The following MLYCD variants were observed in gnomAD, a reference collection of about 807,000 sequenced individuals.
MLYCD encodes malonyl-CoA decarboxylase, mitochondrial.
Under a neutral mutation model 35.8 loss-of-function variants are expected in MLYCD, and 27 were observed. That is an observed-to-expected ratio of 0.75 (90% confidence interval 0.56 to 1.04). MLYCD has a LOEUF of 1.04. Ranked by LOEUF, MLYCD falls within the 50% of genes least tolerant of loss-of-function variation. MLYCD has a pLI of 0.00. For synonymous variants in MLYCD, 403 were observed against 302.4 expected (o/e 1.33, Z -3.45); for missense variants, 917 against 665.1 (o/e 1.38, Z -4.17).
At chr16:83,906,136 C>T (rs958230355) in intron 1 of MLYCD, among the ~76,000 whole-genome samples, 1 of 152,188 alleles carries the variant, frequency 6.6e-6, no homozygotes, top group African/African-American at 2.4e-5. Context: ...CCTGTAATCC[C>T]AGCACTTTGA....
chr16:83,917,562 G>C lies in MLYCD; in HGVS notation c.*2073G>C, dbSNP rs1907466120. The C allele has an allele frequency of 6.5e-6, 1 of 153,002 alleles. No homozygotes were observed. Among genetic ancestry groups the C allele is most frequent in the South Asian group, 2.1e-4 (1 of 4,854 alleles). The allele number at this position is 153,002 out of a possible 1,614,324, so 9.5% of individuals were successfully genotyped here. A position where few individuals can be genotyped will look rare whatever the true frequency, so the allele number is the denominator to read the frequency against. On this transcript the variant is annotated 3_prime_UTR_variant, in exon 5 of 5. Coordinates refer to ENST00000262430, the MANE Select transcript of MLYCD (RefSeq NM_012213.3). The stretch of plus-strand genomic sequence containing the variant: ...ACGGCGTGTTGCTTCGTGACAGACG[G>C]TGTGATCGCGGGAGCTGTCTCATGC...
chr16:83,915,187 C>A lies in MLYCD; in HGVS notation c.1180C>A (p.Leu394Met). ...GCAGTCGGAGAAGCTGGTGCGGGCG[C>A]TGCAGACTCCGCTGATGAGGCTGTG... ...WVQSEKLVRA[L>M]QTPLMRLCAW... is the part of the protein sequence containing the mutation. Residue 394 changes from leucine to methionine, a missense_variant, in exon 5 of 5, where the codon CTG becomes ATG. Physicochemically the swap from Leu to Met is conservative, Grantham distance 15. Transcript: ENST00000262430. 1 of 1,614,112 alleles carries A rather than the reference C, an allele frequency of 6.2e-7. No individual in the cohort carries two copies. Among genetic ancestry groups the A allele is most frequent in the Non-Finnish European group, 8.5e-7 (1 of 1,179,928 alleles).
intron 1 of MLYCD, among the ~76,000 whole-genome samples, chr16:83,900,026 T>C (rs1906728507): frequency 6.6e-6 from 1 of 152,226 alleles, no homozygotes; most frequent in African/African-American, 2.4e-5. Context: ...TTCATCTATA[T>C]GGTATACCTG....
chr16:83,909,915 G>A (rs1206186050), intron 3 of MLYCD, among the ~76,000 whole-genome samples: 1 of 151,978 alleles, frequency 6.6e-6, no homozygotes, highest in Non-Finnish European at 1.5e-5. Context: ...CTATAAAGGC[G>A]TGAGCCACCG....
intron 4 of MLYCD, 101 bp downstream of exon 4, chr16:83,912,468 C>G: frequency 6.6e-7 from 1 of 1,519,060 alleles, no homozygotes; most frequent in Middle Eastern, 2.1e-4. Flanking sequence ...CAGATGAAGA[C>G]AGGAGCTAAA....
Position 83,899,588 on chromosome 16 carries a change from C to T in MLYCD, c.444C>T (p.Asp148=), listed in dbSNP as rs62640904. Residue 148 remains aspartate (D), a synonymous_variant, in exon 1 of 5, where the codon GAC becomes GAT. Transcript: ENST00000262430. ...TCTTCCACCACATCAGCAAGCTGGA[C>T]GGCGGCGTGCGCTTCCTGGTGCAGC... ...RGLFHHISKL[D]GGVRFLVQLR... is the part of the protein sequence containing the mutation. 20,004 of 1,589,408 alleles carry T rather than the reference C, an allele frequency of 0.013. 435 individuals are homozygous for T. Among genetic ancestry groups the T allele is most frequent in the African/African-American group, 0.098 (7,293 of 74,416 alleles).
Position 83,915,055 on chromosome 16 carries a change from G to T in MLYCD, c.1048G>T (p.Gly350Trp). 6.2e-7 allele frequency: 1 copy of T among 1,614,238 alleles called. No individual in the cohort carries two copies. The highest frequency in any genetic ancestry group is 8.5e-7 in the Non-Finnish European group (1 of 1,180,046). ...TCTGAACTCGCAAACGAAGGAGCATGGGAGGAATGAACTCTTTACAGATTC... is the reference window on the plus strand; with the variant it reads ...TCTGAACTCGCAAACGAAGGAGCATTGGAGGAATGAACTCTTTACAGATTC... ...GLLNSQTKEHGRNELFTDSEC... is the reference protein window; with the variant it reads ...GLLNSQTKEHWRNELFTDSEC... Residue 350 changes from glycine (G) to tryptophan (W), a missense_variant, in exon 5 of 5, where the codon GGG becomes TGG. Coordinates refer to ENST00000262430, the MANE Select transcript of MLYCD (RefSeq NM_012213.3).
In MLYCD at chr16:83,918,717, CG is replaced by C; in HGVS notation, c.*3229del. On this transcript the variant is annotated 3_prime_UTR_variant, in exon 5 of 5. Coordinates refer to ENST00000262430, the MANE Select transcript of MLYCD (RefSeq NM_012213.3). ...CACACGCACAGTGCACAGGAGAAAA[CG>C]CACACACAGTGCACAGAACACAGTG... is the stretch of plus-strand genomic sequence containing the variant. The C allele has an allele frequency of 7.3e-6, 1 of 137,650 alleles. No individual in the cohort carries two copies. The highest frequency in any genetic ancestry group is 1.5e-5 in the Non-Finnish European group (1 of 64,638). 8.5% of individuals were successfully genotyped at this position (137,650 alleles called of 1,614,324 possible). A position where few individuals can be genotyped will look rare whatever the true frequency, so the allele number is the denominator to read the frequency against.
rs1226703888 is a variant in MLYCD, at chr16:83,908,117, C to T, written c.642-9C>T. ...CATTTGTCTTGTCTCTTTATAAATT[C>T]CGCCCCAGGGCTGAGGCTGTGCATC... is the stretch of plus-strand genomic sequence containing the variant. On this transcript the variant is annotated splice_polypyrimidine_tract_variant and intron_variant, in intron 2 of 4. Transcript: ENST00000262430. 9 of 1,614,092 alleles carry T rather than the reference C, an allele frequency of 5.6e-6. No homozygotes were observed. The highest frequency in any genetic ancestry group is 7.6e-6 in the Non-Finnish European group (9 of 1,180,022).
chr16:83,913,004 G>A (rs907011414), intron 4 of MLYCD: 1 of 164,014 alleles, frequency 6.1e-6, no homozygotes, highest in African/African-American at 2.4e-5. Context: ...CCTCATCAGG[G>A]ACTTGGATAA....
intron 4 of MLYCD, 105 bp downstream of exon 4, chr16:83,912,472 A>G (rs778165847): frequency 6.7e-7 from 1 of 1,482,188 alleles, no homozygotes; most frequent in Non-Finnish European, 9.3e-7. Context: ...TGAAGACAGG[A>G]GCTAAAGGGA....
chr16:83,920,825 A>T lies in MLYCD; in HGVS notation c.*5336A>T, dbSNP rs968456037. The stretch of plus-strand genomic sequence containing the variant: ...TGGTTTTCTGTTTTTATCAAACTTT[A>T]TCTTTGTACTTCTTACAGTGCTTCA... On this transcript the variant is annotated 3_prime_UTR_variant, in exon 5 of 5. Coordinates refer to ENST00000262430, the MANE Select transcript of MLYCD (RefSeq NM_012213.3). 1.3e-5 allele frequency: 2 copies of T among 152,264 alleles called. No homozygotes were observed. The highest frequency in any genetic ancestry group is 2.9e-5 in the Non-Finnish European group (2 of 68,052). 9.4% of individuals were successfully genotyped at this position (152,264 alleles called of 1,614,324 possible). A position where few individuals can be genotyped will look rare whatever the true frequency, so the allele number is the denominator to read the frequency against.
Position 83,916,035 on chromosome 16 carries a change from C to T in MLYCD, c.*546C>T. The stretch of plus-strand genomic sequence containing the variant: ...ATGTATGAGAAGGTTTGTGATTTTG[C>T]ACAAGGTGTGTGTAGTAAGTTAAAT... On this transcript the variant is annotated 3_prime_UTR_variant, in exon 5 of 5. Coordinates refer to ENST00000262430, the MANE Select transcript of MLYCD (RefSeq NM_012213.3). 2.0e-6 allele frequency: 2 copies of T among 1,005,608 alleles called. No homozygotes were observed. Among genetic ancestry groups the T allele is most frequent in the African/African-American group, 1.7e-5 (1 of 58,058 alleles). 62.3% of individuals were successfully genotyped at this position (1,005,608 alleles called of 1,614,324 possible). A position where few individuals can be genotyped will look rare whatever the true frequency, so the allele number is the denominator to read the frequency against.
chr16:83,915,134 A>G lies in MLYCD; in HGVS notation c.1127A>G (p.Lys376Arg). 5 of 1,614,274 alleles carry G rather than the reference A, an allele frequency of 3.1e-6. No homozygotes were observed. Among genetic ancestry groups the G allele is most frequent in the East Asian group, 2.2e-5 (1 of 44,888 alleles). Residue 376 changes from lysine to arginine, a missense_variant, in exon 5 of 5, where the codon AAG becomes AGG. Physicochemically the swap from Lys to Arg is conservative, Grantham distance 26. Transcript: ENST00000262430. ...ITGGPINETL[K>R]LLLSSSEWVQ... Reference sequence around the variant, plus strand: ...GGTGGCCCCATTAACGAGACCCTCAAGCTCCTCCTCAGCAGCAGCGAGTGG... The same window carrying G: ...GGTGGCCCCATTAACGAGACCCTCAGGCTCCTCCTCAGCAGCAGCGAGTGG...
rs1238427665 is a variant in MLYCD, at chr16:83,916,570, C to G, written c.*1081C>G. On this transcript the variant is annotated 3_prime_UTR_variant, in exon 5 of 5. Transcript: ENST00000262430. ...CGTCTGTGTGCATGTGCCCGAGCGTCTCTGTGTGGATCAGTGCACGTCTGT... is the reference window on the plus strand; with the variant it reads ...CGTCTGTGTGCATGTGCCCGAGCGTGTCTGTGTGGATCAGTGCACGTCTGT... The G allele has an allele frequency of 5.4e-5, 6 of 111,228 alleles. No homozygotes were observed. The highest frequency in any genetic ancestry group is 1.0e-4 in the Admixed American group (1 of 9,918). 6.9% of individuals were successfully genotyped at this position (111,228 alleles called of 1,614,324 possible).
chr16:83,899,601 T>C lies in MLYCD; in HGVS notation c.457T>C (p.Phe153Leu), dbSNP rs1906705137. 2 of 1,585,734 alleles carry C rather than the reference T, an allele frequency of 1.3e-6. No individual in the cohort carries two copies. The highest frequency in any genetic ancestry group is 1.7e-6 in the Non-Finnish European group (2 of 1,174,450). The stretch of plus-strand genomic sequence containing the variant: ...CAGCAAGCTGGACGGCGGCGTGCGC[T>C]TCCTGGTGCAGCTGCGGGCCGACCT... ...HISKLDGGVRFLVQLRADLLE... is the reference protein window; with the variant it reads ...HISKLDGGVRLLVQLRADLLE... The change falls in exon 1 of 5, where the codon TTC becomes CTC. Residue 153 changes from phenylalanine (F) to leucine (L), a missense_variant. Phe to Leu is a conservative substitution (Grantham distance 22, BLOSUM62 0). Coordinates refer to ENST00000262430, the MANE Select transcript of MLYCD (RefSeq NM_012213.3).
intron 1 of MLYCD, among the ~76,000 whole-genome samples, chr16:83,899,950 G>C (rs150560552): frequency 2.6e-5 from 4 of 152,216 alleles, no homozygotes; most frequent in Non-Finnish European, 5.9e-5. Context: ...TAAGGTAGCT[G>C]TCACCTCTCG....
chr16:83,922,157 A>G lies in MLYCD; in HGVS notation c.*6668A>G, dbSNP rs983043839. The G allele has an allele frequency of 6.6e-6, 1 of 151,180 alleles. No homozygotes were observed. Among genetic ancestry groups the G allele is most frequent in the East Asian group, 1.9e-4 (1 of 5,144 alleles). The allele number at this position is 151,180 out of a possible 1,614,324, so 9.4% of individuals were successfully genotyped here. ...CTGAAGTCACAACCCCACCCCTGCCACAGAGCCTGCCCCCCCGAGTGTTCC... is the reference window on the plus strand; with the variant it reads ...CTGAAGTCACAACCCCACCCCTGCCGCAGAGCCTGCCCCCCCGAGTGTTCC... On this transcript the variant is annotated 3_prime_UTR_variant, in exon 5 of 5. Coordinates refer to ENST00000262430, the MANE Select transcript of MLYCD (RefSeq NM_012213.3).
At position 83,918,927 on chromosome 16, in the gene MLYCD, C is replaced by G. The variant is rs1223124833; in HGVS notation, c.*3438C>G. 3 of 145,694 alleles carry G rather than the reference C, an allele frequency of 2.1e-5. No homozygotes were observed. The highest frequency in any genetic ancestry group is 2.1e-4 in the East Asian group (1 of 4,682). 9.0% of individuals were successfully genotyped at this position (145,694 alleles called of 1,614,324 possible). On this transcript the variant is annotated 3_prime_UTR_variant, in exon 5 of 5. Transcript: ENST00000262430. ...CACTGCACAGGAGAATATGCATAAA[C>G]AGTTCACAGGAGAACACGCACACAC... is the stretch of plus-strand genomic sequence containing the variant.
Sources: gnomAD v4.1 joint callset for allele counts (sites outside exome capture counted in the v4.1 genomes callset) on GRCh38, gnomAD v4.1.1 for gene constraint, MANE v1.5 for transcripts, NCBI Gene and HGNC (gene_info 2026-07-23, HGNC 2026-07-21) for gene names.